Variants in LRRC8D observed in about 807,000 individuals in gnomAD.
LRRC8D encodes the protein leucine rich repeat containing 8 VRAC subunit D, also known as volume-regulated anion channel subunit LRRC8D.
LRRC8D carries 20 observed loss-of-function variants against 55.8 expected under a neutral mutation model. The observed-to-expected ratio is 0.36, with a 90% CI of 0.25 to 0.52. The LOEUF (loss-of-function observed/expected upper bound fraction) is 0.52, where lower values mean the gene tolerates loss of function less well. LRRC8D is among the 20% of genes least tolerant of loss of function. The probability of loss-of-function intolerance (pLI) is 0.93; values close to 1 mark genes in which losing one functional copy is unlikely to be tolerated. For missense variants in LRRC8D, 651 were observed against 1,030.8 expected (o/e 0.63, Z 5.05); for synonymous variants, 352 against 377.0 (o/e 0.93, Z 0.77).
At chr1:89,844,755 T>C (rs1661230743) in intron 2 of LRRC8D, among the ~76,000 whole-genome samples, 1 of 152,148 alleles carries the variant, frequency 6.6e-6, no homozygotes, top group African/African-American at 2.4e-5. Flanking sequence ...CAGATTGACT[T>C]CTCCCCCCAG....
chr1:89,865,116 T>C (rs1661809771), intron 2 of LRRC8D, among the ~76,000 whole-genome samples: 1 of 152,152 alleles, frequency 6.6e-6, no homozygotes, highest in Non-Finnish European at 1.5e-5. Context: ...CATAAATATG[T>C]CTATCTTGTT....
chr1:89,821,707 T>C (rs993152419), intron 1 of LRRC8D, among the ~76,000 whole-genome samples: 1 of 152,080 alleles, frequency 6.6e-6, no homozygotes, highest in Admixed American at 6.5e-5. Flanking sequence ...GTGTCTGGCC[T>C]TGCTGGCCCG....
intron 2 of LRRC8D, among the ~76,000 whole-genome samples, chr1:89,887,204 G>C (rs1662441376): frequency 6.6e-6 from 1 of 152,206 alleles, no homozygotes; most frequent in Non-Finnish European, 1.5e-5. Context: ...TAATACTTAT[G>C]AAGTCCTTTG....
At chr1:89,912,225 T>G (rs1231777431) in intron 2 of LRRC8D, among the ~76,000 whole-genome samples, 1 of 152,212 alleles carries the variant, frequency 6.6e-6, no homozygotes, top group Non-Finnish European at 1.5e-5. Flanking sequence ...CCCTTCAATC[T>G]TGCTTCTACA....
At chr1:89,846,499 T>C (rs1318973873) in intron 2 of LRRC8D, 2 of 152,204 alleles carry the variant, frequency 1.3e-5, no homozygotes, top group African/African-American at 2.4e-5. Flanking sequence ...TCTGATGTAA[T>C]CCGTGGTTCT....
At chr1:89,825,075 A>G (rs1660732239) in intron 1 of LRRC8D, among the ~76,000 whole-genome samples, 1 of 151,980 alleles carries the variant, frequency 6.6e-6, no homozygotes, top group South Asian at 2.1e-4. Context: ...ATGTTATCCT[A>G]TTTATTTTGA....
intron 2 of LRRC8D, among the ~76,000 whole-genome samples, chr1:89,850,558 T>C (rs747895453): frequency 2.0e-5 from 3 of 152,236 alleles, no homozygotes; most frequent in Non-Finnish European, 4.4e-5. Context: ...TTGCAAAGGA[T>C]AATGGCCTCC....
At chr1:89,875,862 GAA>G (rs1662135188) in intron 2 of LRRC8D, among the ~76,000 whole-genome samples, 1 of 152,180 alleles carries the variant, frequency 6.6e-6, no homozygotes. Context: ...GGATGTTGAG[GAA>G]CTTCCGCAAG....
chr1:89,874,121 G>A (rs553746271), intron 2 of LRRC8D, among the ~76,000 whole-genome samples: 3 of 152,304 alleles, frequency 2.0e-5, no homozygotes, highest in Non-Finnish European at 2.9e-5. Context: ...GGCACTTAAC[G>A]ATTAAAGGGT....
chr1:89,897,994 A>AG (rs745851338), intron 2 of LRRC8D, among the ~76,000 whole-genome samples: 1 of 152,186 alleles, frequency 6.6e-6, no homozygotes, highest in Non-Finnish European at 1.5e-5. Flanking sequence ...AGATAACAGA[A>AG]GGAATTCCCA....
chr1:89,841,034 C>T (rs779932646), intron 1 of LRRC8D, among the ~76,000 whole-genome samples: 1 of 152,116 alleles, frequency 6.6e-6, no homozygotes, highest in Non-Finnish European at 1.5e-5. Context: ...ACACTGAGTA[C>T]TTTGTGGAAA....
intron 2 of LRRC8D, among the ~76,000 whole-genome samples, chr1:89,904,285 A>G (rs1382738791): frequency 1.3e-5 from 2 of 152,200 alleles, no homozygotes; most frequent in Admixed American, 1.3e-4. Context: ...TGACCATCTG[A>G]CCACTGGTGA....
At chr1:89,897,531 A>T (rs372073314) in intron 2 of LRRC8D, among the ~76,000 whole-genome samples, 1 of 152,240 alleles carries the variant, frequency 6.6e-6, no homozygotes, top group Non-Finnish European at 1.5e-5. Flanking sequence ...GTTTAAAAGC[A>T]TGATACATAT....
intron 1 of LRRC8D, among the ~76,000 whole-genome samples, chr1:89,827,430 G>T (rs774972451): frequency 6.6e-6 from 1 of 151,494 alleles, no homozygotes; most frequent in Admixed American, 6.6e-5. Context: ...CCCCAAATTC[G>T]TGGGCACCTA....
intron 2 of LRRC8D, among the ~76,000 whole-genome samples, chr1:89,909,952 C>T (rs1475120339): frequency 1.3e-5 from 2 of 152,012 alleles, no homozygotes; most frequent in African/African-American, 4.8e-5. Flanking sequence ...TCCCTTAGCC[C>T]CTCCTTTCAT....
intron 2 of LRRC8D, among the ~76,000 whole-genome samples, chr1:89,843,987 G>T (rs565606130): frequency 6.6e-6 from 1 of 152,362 alleles, no homozygotes; most frequent in South Asian, 2.1e-4. Context: ...GGCGTGCGCT[G>T]CGGAGCCGCC....
chr1:89,919,804 C>A (rs1329274949), intron 2 of LRRC8D, among the ~76,000 whole-genome samples: 1 of 152,162 alleles, frequency 6.6e-6, no homozygotes, highest in East Asian at 1.9e-4. Flanking sequence ...GTAAGGACAG[C>A]TTTTAATTTT....
chr1:89,871,248 G>C (rs553846661), intron 2 of LRRC8D, among the ~76,000 whole-genome samples: 1 of 152,240 alleles, frequency 6.6e-6, no homozygotes, highest in Non-Finnish European at 1.5e-5. Flanking sequence ...TGTCTATCTA[G>C]GGTTAAATGT....
At chr1:89,923,281 G>A (rs552573770) in intron 2 of LRRC8D, among the ~76,000 whole-genome samples, 1 of 152,282 alleles carries the variant, frequency 6.6e-6, no homozygotes, top group East Asian at 1.9e-4. Flanking sequence ...TACTATAAAA[G>A]AGAAATCAAA....
Sources: gnomAD v4.1 joint callset for allele counts (sites outside exome capture counted in the v4.1 genomes callset) on GRCh38, gnomAD v4.1.1 for gene constraint, MANE v1.5 for transcripts, NCBI Gene and HGNC (gene_info 2026-07-23, HGNC 2026-07-21) for gene names.